LEPR: variants seen among roughly 807,000 people sequenced by gnomAD.
The protein encoded by LEPR is OB receptor.
LEPR carries 56 observed loss-of-function variants against 114.7 expected under a neutral mutation model. The ratio of observed to expected loss-of-function variants is 0.49; its 90% CI spans 0.39 to 0.61. The LOEUF (loss-of-function observed/expected upper bound fraction) is 0.61, where lower values mean the gene tolerates loss of function less well. Among genes scored for constraint, LEPR ranks in the 20% least tolerant of loss-of-function variants. LEPR has a pLI of 0.00. For missense variants in LEPR, 1,202 were observed against 1,352.9 expected (o/e 0.89, Z 1.75); for synonymous variants, 443 against 461.4 (o/e 0.96, Z 0.51).
At chr1:65,481,256 A>C (rs887679975) in intron 2 of LEPR, among the ~76,000 whole-genome samples, 1 of 152,210 alleles carries the variant, frequency 6.6e-6, no homozygotes, top group African/African-American at 2.4e-5. Flanking sequence ...CTATCTCTAA[A>C]TACAGTCACA....
chr1:65,542,391 T>C (rs1651293574), intron 2 of LEPR, among the ~76,000 whole-genome samples: 1 of 152,124 alleles, frequency 6.6e-6, no homozygotes, highest in African/African-American at 2.4e-5. Flanking sequence ...GTACTTACGA[T>C]GTTCCAGAGA....
chr1:65,545,523 A>T (rs2100684705), intron 2 of LEPR, among the ~76,000 whole-genome samples: 1 of 151,630 alleles, frequency 6.6e-6, no homozygotes, highest in Admixed American at 6.6e-5. Flanking sequence ...ATGGTATCTC[A>T]TTGTGGTTTT....
intron 2 of LEPR, among the ~76,000 whole-genome samples, chr1:65,549,751 G>A (rs1247710713): frequency 1.3e-5 from 2 of 152,046 alleles, no homozygotes; most frequent in Non-Finnish European, 2.9e-5. Flanking sequence ...CTTTGCCTTT[G>A]GTTTGAATTT....
chr1:65,571,829 G>A (rs147501551), intron 4 of LEPR, among the ~76,000 whole-genome samples: 22,718 of 142,334 alleles, frequency 0.16, 2,334 homozygotes, highest in Middle Eastern at 0.26. Context: ...AATTAACTGG[G>A]CATGGTGGTG....
At chr1:65,501,895 G>T (rs1334083645) in intron 2 of LEPR, among the ~76,000 whole-genome samples, 1 of 152,062 alleles carries the variant, frequency 6.6e-6, no homozygotes, top group African/African-American at 2.4e-5. Flanking sequence ...CACTTGAGGT[G>T]GTGGAGCCTT....
Position 65,592,794 on chromosome 1 carries a change from T to C in LEPR, c.632T>C (p.Met211Thr), listed in dbSNP as rs781706175. Residue 211 changes from methionine to threonine, a missense_variant, in exon 6 of 20, where the codon ATG becomes ACG. Met to Thr is a moderately conservative substitution (Grantham distance 81). Transcript: ENST00000349533. ...PTAKLNDTLL[M>T]CLKITSGGVI... ...GCCAAACTCAACGACACTCTCCTTA[T>C]GTGTTTGAAAATCACATCTGGTGGA... is the stretch of plus-strand genomic sequence containing the variant. 1.2e-6 allele frequency: 2 copies of C among 1,613,406 alleles called. No homozygotes were observed. Among genetic ancestry groups the C allele is most frequent in the South Asian group, 1.1e-5 (1 of 91,066 alleles).
At chr1:65,483,498 G>A (rs1647321576) in intron 2 of LEPR, among the ~76,000 whole-genome samples, 2 of 152,094 alleles carry the variant, frequency 1.3e-5, no homozygotes, top group South Asian at 2.1e-4. Context: ...AGGGAGTTAC[G>A]ATATCACAAC....
chr1:65,458,713 T>C lies in LEPR; in HGVS notation c.-21+33335T>C, dbSNP rs550538698. ...CCTGCTTGGCATTGTGTGAGCTTCCTGAATCTTTGGTTTGGTGTCTGCTAT... is the reference window on the plus strand; with the variant it reads ...CCTGCTTGGCATTGTGTGAGCTTCCCGAATCTTTGGTTTGGTGTCTGCTAT... On this transcript the variant is annotated intron_variant, in intron 2 of 19. Transcript: ENST00000349533. Among the ~76,000 whole-genome samples, 192 of 152,338 alleles carry C rather than the reference T, an allele frequency of 1.3e-3. 1 individual carries two copies. The highest frequency in any genetic ancestry group is 4.5e-3 in the African/African-American group (185 of 41,568).
chr1:65,564,783 C>T (rs1294177271), intron 2 of LEPR, among the ~76,000 whole-genome samples: 2 of 152,104 alleles, frequency 1.3e-5, no homozygotes, highest in Admixed American at 6.6e-5. Flanking sequence ...GCCTGGCACC[C>T]AACACTCCTG....
intron 2 of LEPR, among the ~76,000 whole-genome samples, chr1:65,468,363 C>T (rs910917374): frequency 2.0e-5 from 3 of 152,168 alleles, no homozygotes; most frequent in African/African-American, 7.2e-5. Flanking sequence ...AATTGGTTTA[C>T]AGTGGTTACA....
intron 2 of LEPR, among the ~76,000 whole-genome samples, chr1:65,440,498 G>C (rs1346596770): frequency 1.3e-5 from 2 of 152,094 alleles, no homozygotes; most frequent in Non-Finnish European, 2.9e-5. Context: ...GGCGTGAACG[G>C]GTGACGGTGG....
intron 2 of LEPR, among the ~76,000 whole-genome samples, chr1:65,550,006 T>C (rs1275701656): frequency 6.6e-6 from 1 of 152,212 alleles, no homozygotes; most frequent in African/African-American, 2.4e-5. Flanking sequence ...GGATGTCCTT[T>C]CTGTTTGTTA....
chr1:65,621,315 C>T (rs774819875), intron 17 of LEPR, 38 bp from the exon 18 acceptor site: 2 of 1,560,286 alleles, frequency 1.3e-6, no homozygotes, highest in Non-Finnish European at 1.8e-6. Context: ...AATATTTCCT[C>T]AAGTTTCTGA....
At chr1:65,580,450 A>T (rs1312105564) in intron 5 of LEPR, among the ~76,000 whole-genome samples, 1 of 152,228 alleles carries the variant, frequency 6.6e-6, no homozygotes, top group South Asian at 2.1e-4. Flanking sequence ...AATGTTTGTA[A>T]GGGATTTAAA....
At chr1:65,488,226 C>CTCTCTCTTTCTTTCTT (rs1553157734) in intron 2 of LEPR, among the ~76,000 whole-genome samples, 56 of 67,936 alleles carry the variant, frequency 8.2e-4, no homozygotes, top group South Asian at 5.1e-3. Context: ...CTCTCTCTCT[C>CTCTCTCTTTCTTTCTT]TCTTTCTTTC....
chr1:65,619,831 A>G, intron 16 of LEPR, 97 bp from the exon 17 acceptor site: 1 of 975,378 alleles, frequency 1.0e-6, no homozygotes, highest in Non-Finnish European at 1.6e-6. Context: ...ATGTTTGGAA[A>G]TATATGATAG....
At chr1:65,541,024 G>T (rs1024891048) in intron 2 of LEPR, among the ~76,000 whole-genome samples, 12 of 152,038 alleles carry the variant, frequency 7.9e-5, no homozygotes, top group Non-Finnish European at 1.3e-4. Flanking sequence ...TAGAGATGGG[G>T]TTTTTCCAGG....
At chr1:65,536,038 A>T (rs1017806967) in intron 2 of LEPR, among the ~76,000 whole-genome samples, 10 of 152,180 alleles carry the variant, frequency 6.6e-5, no homozygotes, top group Non-Finnish European at 1.0e-4. Context: ...TTTTTAAGCT[A>T]CACCACTGAT....
chr1:65,445,570 T>C (rs529500397), intron 2 of LEPR, among the ~76,000 whole-genome samples: 1 of 152,348 alleles, frequency 6.6e-6, no homozygotes, highest in African/African-American at 2.4e-5. Flanking sequence ...TGTGCGAAAC[T>C]CACTACCAGG....
Sources: allele counts gnomAD v4.1 joint callset (sites outside exome capture counted in the v4.1 genomes callset), GRCh38; gene constraint gnomAD v4.1.1; transcripts MANE v1.5; gene names NCBI Gene and HGNC (gene_info 2026-07-23, HGNC 2026-07-21).